The following PTPRD variants were observed in gnomAD, a reference collection of about 807,000 sequenced individuals.
PTPRD encodes the protein protein tyrosine phosphatase receptor type D.
PTPRD carries 34 observed loss-of-function variants against 214.5 expected under a neutral mutation model. The ratio of observed to expected loss-of-function variants is 0.16; its 90% CI spans 0.12 to 0.21. PTPRD has a LOEUF of 0.21. Among genes scored for constraint, PTPRD ranks in the 10% least tolerant of loss-of-function variants. The probability of loss-of-function intolerance (pLI) is 1.00; values close to 1 mark genes in which losing one functional copy is unlikely to be tolerated. For missense variants in PTPRD, 2,545 were observed against 2,398.7 expected (o/e 1.06, Z -1.27); for synonymous variants, 1,128 against 845.7 (o/e 1.33, Z -5.79).
chr9:9,699,399 C>T (rs567258402), intron 7 of PTPRD, among the ~76,000 whole-genome samples: 7 of 151,880 alleles, frequency 4.6e-5, no homozygotes, highest in Admixed American at 3.3e-4. Context: ...AGCTAAAATT[C>T]CTTTTTGTTC....
chr9:9,904,127 A>T (rs951891977), intron 5 of PTPRD, among the ~76,000 whole-genome samples: 1 of 152,038 alleles, frequency 6.6e-6, no homozygotes, highest in Non-Finnish European at 1.5e-5. Flanking sequence ...TCTTCTCACA[A>T]AGAATCTCTC....
At chr9:10,046,862 G>C (rs988880053) in intron 3 of PTPRD, among the ~76,000 whole-genome samples, 1 of 151,950 alleles carries the variant, frequency 6.6e-6, no homozygotes, top group African/African-American at 2.4e-5. Context: ...AACTGAGCTA[G>C]TCTCAAAACA....
At chr9:9,258,145 A>C (rs10977621) in intron 9 of PTPRD, among the ~76,000 whole-genome samples, 17,512 of 151,896 alleles carry the variant, frequency 0.12, 1,310 homozygotes, top group Non-Finnish European at 0.17. Context: ...GCTTCTAGAT[A>C]AACAGAACTG....
intron 10 of PTPRD, among the ~76,000 whole-genome samples, chr9:9,128,339 A>G (rs1010848438): frequency 6.6e-6 from 1 of 152,244 alleles, no homozygotes; most frequent in Non-Finnish European, 1.5e-5. Context: ...ACATAAACAC[A>G]CATATACAAA....
intron 11 of PTPRD, among the ~76,000 whole-genome samples, chr9:8,916,206 G>C (rs2098784780): frequency 6.6e-6 from 1 of 152,142 alleles, no homozygotes; most frequent in Admixed American, 6.6e-5. Flanking sequence ...GGAGTCAACA[G>C]CATGTAGATG....
intron 8 of PTPRD, among the ~76,000 whole-genome samples, chr9:9,486,183 A>AAAAAAAAC (rs1374918293): frequency 4.4e-5 from 6 of 135,778 alleles, no homozygotes; most frequent in Non-Finnish European, 6.4e-5. Flanking sequence ...AAAAAAAAAA[A>AAAAAAAAC]AAGCCTTCCC....
At chr9:9,584,598 G>A (rs764370896) in intron 7 of PTPRD, among the ~76,000 whole-genome samples, 7 of 151,664 alleles carry the variant, frequency 4.6e-5, no homozygotes, top group African/African-American at 1.5e-4. Context: ...CTTCAACTTC[G>A]TTATTCTACA....
At chr9:10,288,395 C>A (rs1003716176) in intron 3 of PTPRD, among the ~76,000 whole-genome samples, 5 of 152,120 alleles carry the variant, frequency 3.3e-5, no homozygotes, top group Non-Finnish European at 7.4e-5. Flanking sequence ...TGCCCATTCT[C>A]AAATATAAGA....
intron 7 of PTPRD, among the ~76,000 whole-genome samples, chr9:9,681,756 C>A (rs554533754): frequency 6.6e-6 from 1 of 151,738 alleles, no homozygotes; most frequent in Non-Finnish European, 1.5e-5. Context: ...CTAGCAGTTA[C>A]TTTAATTAAA....
At chr9:9,930,099 G>A (rs1335693775) in intron 5 of PTPRD, among the ~76,000 whole-genome samples, 1 of 152,182 alleles carries the variant, frequency 6.6e-6, no homozygotes. Flanking sequence ...ACACTACTTA[G>A]GGCTGGGAGC....
At chr9:8,819,854 G>A (rs529342670) in intron 11 of PTPRD, among the ~76,000 whole-genome samples, 1 of 152,096 alleles carries the variant, frequency 6.6e-6, no homozygotes, top group Non-Finnish European at 1.5e-5. Flanking sequence ...CACAAAACGA[G>A]CTGAAAGATC....
At chr9:9,657,905 C>A in intron 7 of PTPRD, among the ~76,000 whole-genome samples, 1 of 152,160 alleles carries the variant, frequency 6.6e-6, no homozygotes, top group East Asian at 1.9e-4. Context: ...TCCCCCCGAC[C>A]TAAAGAGAGG....
At chr9:10,339,117 G>T (rs2096894722) in intron 3 of PTPRD, among the ~76,000 whole-genome samples, 1 of 151,676 alleles carries the variant, frequency 6.6e-6, no homozygotes, top group Non-Finnish European at 1.5e-5. Context: ...AGTCCTGGAA[G>T]AAGGTTTGTA....
chr9:8,822,754 G>C (rs1317139681), intron 11 of PTPRD, among the ~76,000 whole-genome samples: 1 of 152,094 alleles, frequency 6.6e-6, no homozygotes. Context: ...ATTTGCCCAA[G>C]GTCCCGCAGC....
chr9:10,124,946 C>G (rs973249449), intron 3 of PTPRD, among the ~76,000 whole-genome samples: 4 of 152,130 alleles, frequency 2.6e-5, no homozygotes. Flanking sequence ...AGACCATCTT[C>G]AGAAATGGTA....
intron 2 of PTPRD, among the ~76,000 whole-genome samples, chr9:10,467,322 A>G (rs577693826): frequency 1.2e-4 from 19 of 152,222 alleles, no homozygotes; most frequent in Non-Finnish European, 2.6e-4. Flanking sequence ...TGCTTGTGAA[A>G]TATCTGCATA....
At chr9:9,104,298 C>G (rs1296916236) in intron 10 of PTPRD, among the ~76,000 whole-genome samples, 1 of 151,506 alleles carries the variant, frequency 6.6e-6, no homozygotes, top group Admixed American at 6.6e-5. Context: ...TATCATGTAT[C>G]ATTCTTTTGA....
chr9:8,979,174 A>C (rs2099290580), intron 11 of PTPRD, among the ~76,000 whole-genome samples: 1 of 152,198 alleles, frequency 6.6e-6, no homozygotes, highest in Non-Finnish European at 1.5e-5. Context: ...TATTTTTCAA[A>C]TTTAGATAAT....
At chr9:10,391,382 T>G (rs2154491319) in intron 2 of PTPRD, among the ~76,000 whole-genome samples, 1 of 151,790 alleles carries the variant, frequency 6.6e-6, no homozygotes, top group Non-Finnish European at 1.5e-5. Context: ...ATAATGTTTT[T>G]CCGTTACATT....
Sources: gnomAD v4.1 joint callset for allele counts (sites outside exome capture counted in the v4.1 genomes callset) on GRCh38, gnomAD v4.1.1 for gene constraint, MANE v1.5 for transcripts, NCBI Gene and HGNC (gene_info 2026-07-23, HGNC 2026-07-21) for gene names.